Variants in WWOX observed in about 807,000 individuals in gnomAD.
The protein encoded by WWOX is WW domain-containing oxidoreductase.
WWOX carries 69 observed loss-of-function variants against 46.2 expected under a neutral mutation model. The observed-to-expected ratio is 1.49, with a 90% confidence interval of 1.23 to 1.82. WWOX has a LOEUF of 1.82. Ranked by LOEUF, WWOX falls within the 40% of genes most tolerant of loss-of-function variation. WWOX has a pLI of 0.00. For missense variants in WWOX, 919 were observed against 542.6 expected (o/e 1.69, Z -6.89); for synonymous variants, 359 against 202.6 (o/e 1.77, Z -6.56).
chr16:78,398,516 C>A (rs1233204654), intron 6 of WWOX, among the ~76,000 whole-genome samples: 6 of 152,202 alleles, frequency 3.9e-5, no homozygotes, highest in African/African-American at 1.4e-4. Context: ...CTTCTACCTG[C>A]TCTTACCCGG....
chr16:78,836,601 C>G (rs1348734021), intron 8 of WWOX, among the ~76,000 whole-genome samples: 1 of 152,154 alleles, frequency 6.6e-6, no homozygotes, highest in Admixed American at 6.5e-5. Context: ...CCAGGCCTTG[C>G]CAATACAGTA....
At chr16:78,372,858 C>G (rs1167759061) in intron 5 of WWOX, among the ~76,000 whole-genome samples, 4 of 152,164 alleles carry the variant, frequency 2.6e-5, no homozygotes, top group Admixed American at 6.5e-5. Flanking sequence ...CATCATGCCT[C>G]TCTTTCAGCA....
At chr16:79,024,074 A>G (rs1370553856) in intron 8 of WWOX, among the ~76,000 whole-genome samples, 5 of 152,230 alleles carry the variant, frequency 3.3e-5, no homozygotes, top group Non-Finnish European at 2.9e-5. Flanking sequence ...GACAGAAAGC[A>G]AGCTAGTGAT....
At chr16:78,912,250 A>G (rs1378966804) in intron 8 of WWOX, among the ~76,000 whole-genome samples, 1 of 152,024 alleles carries the variant, frequency 6.6e-6, no homozygotes, top group Non-Finnish European at 1.5e-5. Context: ...TATCATTAAC[A>G]CAGGTAATCA....
chr16:79,146,022 A>G (rs1163273140), intron 8 of WWOX, among the ~76,000 whole-genome samples: 9 of 152,188 alleles, frequency 5.9e-5, no homozygotes, highest in Admixed American at 5.2e-4. Flanking sequence ...AATTAAGATT[A>G]TTTTCTAACC....
intron 8 of WWOX, among the ~76,000 whole-genome samples, chr16:78,492,349 T>C (rs1177521934): frequency 6.6e-6 from 1 of 152,198 alleles, no homozygotes; most frequent in East Asian, 1.9e-4. Flanking sequence ...AGTTGACCCA[T>C]GACATCGTCC....
At chr16:78,514,775 T>C (rs1432646266) in intron 8 of WWOX, among the ~76,000 whole-genome samples, 4 of 152,204 alleles carry the variant, frequency 2.6e-5, no homozygotes, top group African/African-American at 9.6e-5. Flanking sequence ...TAGATATACA[T>C]AAATAATGTT....
chr16:78,637,840 C>T (rs1241548263), intron 8 of WWOX, among the ~76,000 whole-genome samples: 2 of 152,138 alleles, frequency 1.3e-5, no homozygotes, highest in African/African-American at 4.8e-5. Flanking sequence ...TTGTGTGTGT[C>T]TCCACTTTCC....
chr16:78,664,316 GC>G (rs1270635736), intron 8 of WWOX, among the ~76,000 whole-genome samples: 1 of 152,196 alleles, frequency 6.6e-6, no homozygotes, highest in Non-Finnish European at 1.5e-5. Flanking sequence ...CCCAGTGTGG[GC>G]TGGCCACCCA....
chr16:78,761,197 CA>C (rs1163123237), intron 8 of WWOX, among the ~76,000 whole-genome samples: 3 of 152,052 alleles, frequency 2.0e-5, no homozygotes, highest in Non-Finnish European at 4.4e-5. Context: ...CTTTTTCTTC[CA>C]AATATAGTTA....
At chr16:78,489,655 C>T (rs575416969) in intron 8 of WWOX, among the ~76,000 whole-genome samples, 2 of 152,202 alleles carry the variant, frequency 1.3e-5, no homozygotes, top group Admixed American at 6.5e-5. Flanking sequence ...TCTTGCTCTC[C>T]AGGGTAAAAG....
intron 8 of WWOX, among the ~76,000 whole-genome samples, chr16:78,436,094 C>G (rs888955705): frequency 6.6e-6 from 1 of 152,200 alleles, no homozygotes. Context: ...ACATGCCTAG[C>G]TCAGTGCCTT....
At chr16:79,198,394 A>G (rs1172003256) in intron 8 of WWOX, among the ~76,000 whole-genome samples, 3 of 151,956 alleles carry the variant, frequency 2.0e-5, no homozygotes, top group African/African-American at 7.3e-5. Context: ...AAGAAAATAA[A>G]TCCTCCCGCT....
intron 5 of WWOX, among the ~76,000 whole-genome samples, chr16:78,183,307 C>T (rs2035591244): frequency 6.6e-6 from 1 of 152,140 alleles, no homozygotes; most frequent in Non-Finnish European, 1.5e-5. Flanking sequence ...TGTATTATGG[C>T]CCAAGCTCAA....
intron 8 of WWOX, among the ~76,000 whole-genome samples, chr16:79,052,421 C>G (rs904709938): frequency 2.6e-5 from 4 of 152,202 alleles, no homozygotes; most frequent in African/African-American, 9.7e-5. Flanking sequence ...TGCCAGCCAT[C>G]CCGTTACTGG....
At chr16:78,132,049 G>C (rs1346550739) in intron 4 of WWOX, among the ~76,000 whole-genome samples, 1 of 138,950 alleles carries the variant, frequency 7.2e-6, no homozygotes, top group Admixed American at 7.4e-5. Context: ...TTTTGAGACA[G>C]AGTCTCACTC....
At chr16:79,098,424 A>T (rs1299836474) in intron 8 of WWOX, among the ~76,000 whole-genome samples, 6 of 152,206 alleles carry the variant, frequency 3.9e-5, no homozygotes, top group Admixed American at 3.9e-4. Context: ...CTAACCCCTC[A>T]GGGGTCACCA....
intron 8 of WWOX, among the ~76,000 whole-genome samples, chr16:78,918,160 C>G (rs1314139156): frequency 6.6e-6 from 1 of 152,128 alleles, no homozygotes; most frequent in Admixed American, 6.5e-5. Context: ...GAGGTTGAGG[C>G]TGCAGTGAGC....
intron 8 of WWOX, among the ~76,000 whole-genome samples, chr16:78,594,177 T>C (rs1036649155): frequency 1.4e-5 from 2 of 148,080 alleles, no homozygotes; most frequent in African/African-American, 2.6e-5. Context: ...CTTTATCTCT[T>C]GGAATCCTTA....
Sources: gnomAD v4.1 joint callset for allele counts (sites outside exome capture counted in the v4.1 genomes callset) on GRCh38, gnomAD v4.1.1 for gene constraint, MANE v1.5 for transcripts, NCBI Gene and HGNC (gene_info 2026-07-23, HGNC 2026-07-21) for gene names.